Variants in CDK12 observed in about 807,000 individuals in gnomAD.
CDK12 encodes cyclin-dependent kinase 12.
Under a neutral mutation model 133.8 loss-of-function variants are expected in CDK12, and 17 were observed. The observed-to-expected ratio is 0.13, with a 90% CI of 0.09 to 0.19. CDK12 has a LOEUF of 0.19. CDK12 is among the 10% of genes least tolerant of loss of function. The pLI is 1.00. For missense variants in CDK12, 1,508 were observed against 1,818.7 expected (o/e 0.83, Z 3.11); for synonymous variants, 694 against 683.6 (o/e 1.02, Z -0.24).
chr17:39,476,624 G>C (rs1382405457), intron 2 of CDK12, among the ~76,000 whole-genome samples: 2 of 149,960 alleles, frequency 1.3e-5, no homozygotes, highest in Non-Finnish European at 3.0e-5. Flanking sequence ...TGTTGGCCAG[G>C]CTGGTCAGGA....
At chr17:39,525,833 G>T in intron 12 of CDK12, 31 bp from the exon 13 acceptor site, 1 of 1,581,170 alleles carries the variant, frequency 6.3e-7, no homozygotes, top group Non-Finnish European at 8.7e-7. Context: ...CTATCTCATC[G>T]TCTTATATTG....
intron 1 of CDK12, among the ~76,000 whole-genome samples, chr17:39,466,466 T>C (rs1597908501): frequency 6.7e-6 from 1 of 149,566 alleles, no homozygotes; most frequent in African/African-American, 2.5e-5. Flanking sequence ...AATACAAAAT[T>C]AGCTGGGCGT....
chr17:39,516,083 A>G (rs567840307), intron 9 of CDK12, among the ~76,000 whole-genome samples: 2 of 152,360 alleles, frequency 1.3e-5, no homozygotes, highest in African/African-American at 4.8e-5. Flanking sequence ...TTCATAGCTC[A>G]GATGAGATTA....
chr17:39,563,545 C>T (rs1190899557), intron 3 of CDK12, among the ~76,000 whole-genome samples: 1 of 146,676 alleles, frequency 6.8e-6, no homozygotes, highest in East Asian at 2.0e-4. Context: ...CTCCCTCTCT[C>T]TTCTTCTTCC....
At chr17:39,544,199 G>A (rs1567808159), upstream of CDK12, 1 of 479,052 alleles carries the variant, frequency 2.1e-6, no homozygotes, top group Admixed American at 2.3e-5. Context: ...GTTCTTTGGT[G>A]TCTAGTCCCT....
chr17:39,520,143 G>A, intron 11 of CDK12, 56 bp downstream of exon 11: 1 of 1,593,090 alleles, frequency 6.3e-7, no homozygotes, highest in Non-Finnish European at 8.6e-7. Flanking sequence ...CTTAGACGAT[G>A]AGAAACTCAT....
chr17:39,518,904 CGTTT>C (rs1339095514), intron 10 of CDK12, among the ~76,000 whole-genome samples: 144 of 152,078 alleles, frequency 9.5e-4, no homozygotes, highest in African/African-American at 3.3e-3. Context: ...CAGCATTTCT[CGTTT>C]GTTTGTTTTT....
chr17:39,493,320 T>C (rs1235308119), intron 4 of CDK12, among the ~76,000 whole-genome samples: 1 of 151,512 alleles, frequency 6.6e-6, no homozygotes, highest in Non-Finnish European at 1.5e-5. Flanking sequence ...ATTTTTATTT[T>C]TTGAGACGGG....
intron 9 of CDK12, among the ~76,000 whole-genome samples, chr17:39,516,175 A>G (rs1176316446): frequency 6.6e-6 from 1 of 152,214 alleles, no homozygotes; most frequent in Non-Finnish European, 1.5e-5. Flanking sequence ...GAGATAAAAA[A>G]TAGGTCCCCG....
intron 2 of CDK12, among the ~76,000 whole-genome samples, chr17:39,552,283 C>T (rs1333889566): frequency 6.6e-6 from 1 of 152,214 alleles, no homozygotes; most frequent in Non-Finnish European, 1.5e-5. Flanking sequence ...GGGAGGAAGG[C>T]TGTGCCAAGG....
intron 8 of CDK12, among the ~76,000 whole-genome samples, chr17:39,515,510 C>G (rs182642318): frequency 1.8e-4 from 27 of 152,188 alleles, no homozygotes; most frequent in Admixed American, 1.6e-3. Flanking sequence ...CATAGAGTGT[C>G]CTTAATAGGT....
intron 2 of CDK12, among the ~76,000 whole-genome samples, chr17:39,475,671 G>A (rs11078903): frequency 0.63 from 95,647 of 150,832 alleles, 33,031 homozygotes; most frequent in South Asian, 0.89. Context: ...TTAGCCTCCC[G>A]AGTGGCTAGG....
intron 6 of CDK12, among the ~76,000 whole-genome samples, chr17:39,502,540 A>G (rs1473007805): frequency 2.6e-5 from 4 of 152,214 alleles, no homozygotes; most frequent in East Asian, 1.9e-4. Flanking sequence ...AGAATAACCA[A>G]TCTTGCATGG....
At chr17:39,501,163 C>T (rs1267951266) in intron 5 of CDK12, 87 bp from the exon 6 acceptor site, 2 of 958,948 alleles carry the variant, frequency 2.1e-6, no homozygotes, top group Admixed American at 2.9e-5. Context: ...CTGTGGTCAA[C>T]TCCAAAATTA....
chr17:39,503,308 A>C (rs1165771564), intron 6 of CDK12, among the ~76,000 whole-genome samples: 1 of 152,138 alleles, frequency 6.6e-6, no homozygotes, highest in African/African-American at 2.4e-5. Flanking sequence ...CCTGACCTCA[A>C]GTGATCTGCC....
At chr17:39,498,484 A>G (rs111691057) in intron 5 of CDK12, among the ~76,000 whole-genome samples, 1 of 152,044 alleles carries the variant, frequency 6.6e-6, no homozygotes, top group African/African-American at 2.4e-5. Context: ...CGGCCTCCCA[A>G]AGTGCTGGGA....
intron 2 of CDK12, among the ~76,000 whole-genome samples, chr17:39,473,918 G>C (rs144271355): frequency 3.5e-3 from 537 of 151,964 alleles, no homozygotes; most frequent in African/African-American, 0.012. Flanking sequence ...TTAGCCAGGC[G>C]TGGTGGCAGG....
At chr17:39,554,415 C>T (rs1050911271) in intron 2 of CDK12, among the ~76,000 whole-genome samples, 1 of 152,126 alleles carries the variant, frequency 6.6e-6, no homozygotes, top group African/African-American at 2.4e-5. Context: ...TTTCCTCCTC[C>T]CTTGTGTGCC....
chr17:39,483,084 T>C (rs1180753839), intron 2 of CDK12, among the ~76,000 whole-genome samples: 1 of 152,008 alleles, frequency 6.6e-6, no homozygotes, highest in Non-Finnish European at 1.5e-5. Context: ...GGCTAATTTT[T>C]GTATTTTTCG....
Sources: allele counts gnomAD v4.1 joint callset (sites outside exome capture counted in the v4.1 genomes callset), GRCh38; gene constraint gnomAD v4.1.1; transcripts MANE v1.5; gene names NCBI Gene and HGNC (gene_info 2026-07-23, HGNC 2026-07-21).